The following RASGRF2 variants were observed in gnomAD, a reference collection of about 807,000 sequenced individuals.
RASGRF2 encodes the protein ras-specific guanine nucleotide-releasing factor 2.
A neutral mutation model predicts 151.0 loss-of-function variants in RASGRF2; 76 were observed. The observed-to-expected ratio is 0.50, with a 90% CI of 0.42 to 0.61. The LOEUF (loss-of-function observed/expected upper bound fraction) is 0.61. Ranked by LOEUF, RASGRF2 falls within the 20% of genes least tolerant of loss-of-function variation. The pLI, the probability that RASGRF2 is intolerant of heterozygous loss-of-function variation, is 0.00. For missense variants in RASGRF2, 1,148 were observed against 1,564.6 expected, an observed-to-expected ratio of 0.73 and a Z score of 4.49; for synonymous variants, 504 against 566.5, an observed-to-expected ratio of 0.89 and a Z score of 1.57.
Position 80,970,047 on chromosome 5 carries a change from A to G in RASGRF2, c.288+9021A>G, listed in dbSNP as rs1462560863. On this transcript the variant is annotated intron_variant, in intron 1 of 26. Transcript: ENST00000265080. ...TCCATGTTGGTCAGGCTGGTCTTGA[A>G]CTCCTAACCTCAGGTGATCTGCCCG... Among the ~76,000 whole-genome samples the G allele has an allele frequency of 2.1e-5, 3 of 145,440 alleles. No individual in the cohort carries two copies. In the East Asian group the frequency reaches 6.4e-4, roughly 31 times the overall value.
chr5:80,960,968 C>T lies in RASGRF2; in HGVS notation c.230C>T (p.Pro77Leu). The T allele has an allele frequency of 6.4e-7, 1 of 1,562,750 alleles. No homozygotes were observed. Among genetic ancestry groups the T allele is most frequent in the Non-Finnish European group, 8.7e-7 (1 of 1,145,762 alleles). Reference protein sequence around the residue: ...LLEGCSCERTPAPPRAGAGQG... With the variant: ...LLEGCSCERTLAPPRAGAGQG... ...GAGGGCTGCAGCTGCGAACGAACGC[C>T]CGCGCCACCCAGGGCCGGCGCCGGG... is the stretch of plus-strand genomic sequence containing the variant. The change falls in exon 1 of 27, where the codon CCC (proline) becomes CTC (leucine). Residue 77 changes from proline to leucine, a missense_variant. Physicochemically the swap from Pro to Leu is moderately conservative, Grantham distance 98 (BLOSUM62 -3). Around this residue, in one of 5 missense-constraint regions of RASGRF2, gnomAD observed 221 missense variants for 271.3 expected, o/e 0.81. Coordinates refer to ENST00000265080, the MANE Select transcript of RASGRF2 (RefSeq NM_006909.3). This position sits in a 1 kb window ranked among gnomAD's most constrained non-coding sequence, Gnocchi z 5.5.
intron 1 of RASGRF2, among the ~76,000 whole-genome samples, chr5:80,977,788 A>G (rs1748174260): frequency 6.6e-6 from 1 of 152,114 alleles, no homozygotes; most frequent in African/African-American, 2.4e-5. Flanking sequence ...TCACAATTAC[A>G]TTTTTTCATT....
intron 1 of RASGRF2, among the ~76,000 whole-genome samples, chr5:80,979,801 C>T (rs183983328): frequency 6.6e-6 from 1 of 152,264 alleles, no homozygotes; most frequent in East Asian, 1.9e-4. Context: ...AATATCATGG[C>T]TATGTGAGAA....
At chr5:81,208,306 A>G (rs764107004) in intron 21 of RASGRF2, 48 bp from the exon 22 acceptor site, 5 of 1,502,690 alleles carry the variant, frequency 3.3e-6, no homozygotes, top group Non-Finnish European at 4.6e-6. Context: ...CATAGCCACC[A>G]TATTTTTAAA....
chr5:81,175,091 C>T (rs1328758245), intron 17 of RASGRF2, among the ~76,000 whole-genome samples: 1 of 152,214 alleles, frequency 6.6e-6, no homozygotes, highest in African/African-American at 2.4e-5. Context: ...TCTCACACTT[C>T]TTAGTTCTGT....
intron 1 of RASGRF2, among the ~76,000 whole-genome samples, chr5:81,033,669 A>T (rs1353646869): frequency 6.6e-6 from 1 of 152,170 alleles, no homozygotes; most frequent in East Asian, 1.9e-4. Flanking sequence ...AAAGACTTAA[A>T]TGTTAGACCT....
intron 1 of RASGRF2, among the ~76,000 whole-genome samples, chr5:80,993,674 C>T (rs1203005870): frequency 2.0e-5 from 3 of 152,190 alleles, no homozygotes; most frequent in African/African-American, 4.8e-5. Context: ...GAACCATTCT[C>T]ACCTGTAGGC....
At chr5:81,045,181 A>G (rs1340503826) in intron 2 of RASGRF2, among the ~76,000 whole-genome samples, 1 of 152,230 alleles carries the variant, frequency 6.6e-6, no homozygotes, top group Non-Finnish European at 1.5e-5. Flanking sequence ...CCCTTGGGTC[A>G]TTTCCAGACA....
At chr5:81,021,992 C>T (rs764423095) in intron 1 of RASGRF2, among the ~76,000 whole-genome samples, 5 of 152,072 alleles carry the variant, frequency 3.3e-5, no homozygotes, top group Admixed American at 6.6e-5. Context: ...GTCTTCAGAC[C>T]GGTTGGTGTC....
chr5:81,215,800 G>A (rs895335203), intron 23 of RASGRF2, 76 bp from the exon 24 acceptor site: 1 of 1,404,756 alleles, frequency 7.1e-7, no homozygotes, highest in Non-Finnish European at 9.3e-7. Flanking sequence ...GAAGAGAACT[G>A]AACATCTTTT....
chr5:81,127,958 GA>G (rs1561221273), intron 17 of RASGRF2, among the ~76,000 whole-genome samples: 1 of 132,284 alleles, frequency 7.6e-6, no homozygotes. Flanking sequence ...GAAAAGAAAA[GA>G]AAAAAAGAAA....
chr5:81,071,177 C>T (rs1396606328), intron 4 of RASGRF2, among the ~76,000 whole-genome samples: 1 of 152,138 alleles, frequency 6.6e-6, no homozygotes, highest in East Asian at 1.9e-4. Flanking sequence ...TCTTGATTGT[C>T]TTATATAAAG....
At chr5:81,197,707 C>A (rs1053195000) in intron 18 of RASGRF2, among the ~76,000 whole-genome samples, 1 of 152,124 alleles carries the variant, frequency 6.6e-6, no homozygotes, top group African/African-American at 2.4e-5. Context: ...TTCAGAATGT[C>A]AGTGCTTCAA....
intron 2 of RASGRF2, among the ~76,000 whole-genome samples, chr5:81,048,463 T>C (rs1750907655): frequency 6.6e-6 from 1 of 152,164 alleles, no homozygotes; most frequent in Non-Finnish European, 1.5e-5. Context: ...TACAATTGTT[T>C]TCTATAGGGA....
rs1418001971 is a variant in RASGRF2, at chr5:81,157,091, C to T, written c.2687-23084C>T. Among the ~76,000 whole-genome samples, 4 of 152,114 alleles carry T rather than the reference C, an allele frequency of 2.6e-5. 1 individual carries two copies. Among genetic ancestry groups the T allele is most frequent in the Middle Eastern group, 6.8e-3 (2 of 294 alleles). On this transcript the variant is annotated intron_variant, in intron 17 of 26. Coordinates refer to ENST00000265080, the MANE Select transcript of RASGRF2 (RefSeq NM_006909.3). ...TTAAAAAGAATCAACTACGGCTGGG[C>T]GCGGTGGCTCACACTTGTAATCCCA... is the stretch of plus-strand genomic sequence containing the variant.
chr5:81,041,946 G>A (rs477016), intron 1 of RASGRF2, among the ~76,000 whole-genome samples: 59,747 of 151,914 alleles, frequency 0.39, 12,099 homozygotes, highest in Middle Eastern at 0.61. Context: ...TATATAGTAT[G>A]TAACCTTTTG....
At chr5:81,116,187 A>G (rs377084883) in intron 15 of RASGRF2, among the ~76,000 whole-genome samples, 1 of 141,274 alleles carries the variant, frequency 7.1e-6, no homozygotes, top group South Asian at 2.2e-4. Context: ...GGTTCGAGCT[A>G]TTCTCCTGCC....
chr5:81,202,002 C>T (rs1012203409), intron 19 of RASGRF2, among the ~76,000 whole-genome samples: 2 of 152,170 alleles, frequency 1.3e-5, no homozygotes, highest in African/African-American at 4.8e-5. Flanking sequence ...TATGACTCCA[C>T]ACTTCTATGT....
At position 81,002,185 on chromosome 5, in the gene RASGRF2, A is replaced by G. The variant is rs1580189147; in HGVS notation, c.289-40692A>G. On this transcript the variant is annotated intron_variant, in intron 1 of 26. Transcript: ENST00000265080. ...TGGAGGAAGTAAAGATAGCATATTT[A>G]GCATTTAACATCCATTCCCATTTAT... 3.9e-5 allele frequency among the ~76,000 whole-genome samples: 6 copies of G among 152,336 alleles called. No homozygotes were observed. In the South Asian group the frequency reaches 1.2e-3, roughly 32 times the overall value.
Sources: gnomAD v4.1 joint callset for allele counts (sites outside exome capture counted in the v4.1 genomes callset) on GRCh38, gnomAD v4.1.1 for gene constraint, gnomAD v4.1.1 regional missense constraint, Gnocchi (gnomAD v3.1) non-coding constraint, MANE v1.5 for transcripts, NCBI Gene and HGNC (gene_info 2026-07-23, HGNC 2026-07-21) for gene names.